CTNNA3: variants seen among roughly 807,000 people sequenced by gnomAD.
CTNNA3 encodes the protein catenin alpha-3.
CTNNA3 carries 76 observed loss-of-function variants against 95.7 expected under a neutral mutation model. The observed-to-expected ratio is 0.79, with a 90% confidence interval of 0.66 to 0.96. The LOEUF is 0.96. CTNNA3 is among the 40% of genes least tolerant of loss of function. The probability of loss-of-function intolerance (pLI) is 0.00; values close to 1 mark genes in which losing one functional copy is unlikely to be tolerated. For synonymous variants in CTNNA3, 431 were observed against 374.4 expected, an observed-to-expected ratio of 1.15 and a Z score of -1.74; for missense variants, 1,191 against 1,089.8, an observed-to-expected ratio of 1.09 and a Z score of -1.31.
chr10:66,753,702 C>A (rs1306579277), intron 9 of CTNNA3, among the ~76,000 whole-genome samples: 3 of 150,498 alleles, frequency 2.0e-5, no homozygotes, highest in South Asian at 2.1e-4. Context: ...CACACACACA[C>A]AAATAACAAA....
chr10:66,005,537 G>A (rs2078861533), intron 15 of CTNNA3, among the ~76,000 whole-genome samples: 1 of 152,082 alleles, frequency 6.6e-6, no homozygotes, highest in African/African-American at 2.4e-5. Flanking sequence ...AAGGTGGGTG[G>A]CCTGGAAAAA....
At chr10:67,220,195 T>C (rs1189894265) in intron 5 of CTNNA3, among the ~76,000 whole-genome samples, 1 of 152,220 alleles carries the variant, frequency 6.6e-6, no homozygotes, top group Non-Finnish European at 1.5e-5. Context: ...TTAAGTGCAT[T>C]ACATGGGAGC....
At chr10:66,250,143 AAATAGAAAGAAATGAGTCAGG>A (rs1218007699) in intron 13 of CTNNA3, among the ~76,000 whole-genome samples, 1 of 152,176 alleles carries the variant, frequency 6.6e-6, no homozygotes, top group African/African-American at 2.4e-5. Context: ...AATGAGTCAG[AAATAGAAAGAAATGAGTCAGG>A]AATAGAAAGA....
chr10:66,712,608 TCA>T (rs201322402), intron 9 of CTNNA3, among the ~76,000 whole-genome samples: 1 of 151,506 alleles, frequency 6.6e-6, no homozygotes, highest in East Asian at 2.0e-4. Context: ...TCTCTCTCTC[TCA>T]CACACACAGC....
intron 10 of CTNNA3, among the ~76,000 whole-genome samples, chr10:66,596,360 C>A (rs1443385560): frequency 1.3e-5 from 2 of 152,040 alleles, no homozygotes; most frequent in Non-Finnish European, 2.9e-5. Context: ...ACATATGGTA[C>A]CCTATGCTCA....
At chr10:65,922,660 C>G (rs1352055276) in intron 17 of CTNNA3, among the ~76,000 whole-genome samples, 1 of 151,732 alleles carries the variant, frequency 6.6e-6, no homozygotes, top group African/African-American at 2.4e-5. Context: ...TTTTCTTATT[C>G]TCCAATAAAA....
intron 14 of CTNNA3, among the ~76,000 whole-genome samples, chr10:66,075,113 T>C (rs1015274796): frequency 2.6e-5 from 4 of 151,894 alleles, no homozygotes; most frequent in Non-Finnish European, 5.9e-5. Flanking sequence ...CCTCCAAGAC[T>C]GTATTAATAG....
At chr10:66,136,552 T>G (rs1435661290) in intron 13 of CTNNA3, among the ~76,000 whole-genome samples, 3 of 152,210 alleles carry the variant, frequency 2.0e-5, no homozygotes, top group African/African-American at 4.8e-5. Flanking sequence ...AATATAAGTT[T>G]AGTCTACATT....
chr10:67,208,096 G>A (rs898957158), intron 6 of CTNNA3, among the ~76,000 whole-genome samples: 1 of 152,096 alleles, frequency 6.6e-6, no homozygotes, highest in African/African-American at 2.4e-5. Flanking sequence ...AGCCAGGCCA[G>A]GCGCGGTGGC....
intron 6 of CTNNA3, among the ~76,000 whole-genome samples, chr10:67,206,308 C>A (rs971044690): frequency 6.6e-6 from 1 of 152,110 alleles, no homozygotes; most frequent in African/African-American, 2.4e-5. Flanking sequence ...TATGTCTCTG[C>A]ATTTCTTTAG....
chr10:67,137,425 G>C (rs191246759), intron 7 of CTNNA3, among the ~76,000 whole-genome samples: 2 of 152,032 alleles, frequency 1.3e-5, no homozygotes, highest in Admixed American at 1.3e-4. Context: ...TTTACACTTG[G>C]AAGCATGATT....
intron 1 of CTNNA3, chr10:67,648,779 T>C: frequency 7.8e-7 from 1 of 1,289,678 alleles, no homozygotes; most frequent in Non-Finnish European, 1.0e-6. Context: ...ATTCTCCTTC[T>C]AAAAGTAGAA....
chr10:66,413,988 C>A (rs1384609330), intron 11 of CTNNA3, among the ~76,000 whole-genome samples: 1 of 152,186 alleles, frequency 6.6e-6, no homozygotes, highest in Non-Finnish European at 1.5e-5. Flanking sequence ...AATTCTACTA[C>A]TTGATATAAT....
intron 11 of CTNNA3, among the ~76,000 whole-genome samples, chr10:66,440,793 G>A (rs1178785981): frequency 6.6e-6 from 1 of 152,036 alleles, no homozygotes; most frequent in Admixed American, 6.6e-5. Flanking sequence ...TTGTTTATCA[G>A]TTGAGTAAAT....
chr10:67,098,345 T>G (rs1017382193), intron 7 of CTNNA3: 5 of 152,642 alleles, frequency 3.3e-5, no homozygotes, highest in African/African-American at 1.2e-4. Flanking sequence ...ATTTTTATTA[T>G]GCTTACTGCG....
intron 5 of CTNNA3, among the ~76,000 whole-genome samples, chr10:67,285,786 C>G (rs1839575062): frequency 6.6e-6 from 1 of 152,062 alleles, no homozygotes; most frequent in Admixed American, 6.6e-5. Flanking sequence ...TTCCTACAGG[C>G]AGGAAATGTG....
rs2076957668 is a variant in CTNNA3, at chr10:65,912,657, A to G, written c.*7673T>C. 1 of 152,120 alleles carries G rather than the reference A, an allele frequency of 6.6e-6. No homozygotes were observed. The highest frequency in any genetic ancestry group is 2.4e-5 in the African/African-American group (1 of 41,434). The allele number at this position is 152,120 out of a possible 1,614,324, so 9.4% of individuals were successfully genotyped here. A position where few individuals can be genotyped will look rare whatever the true frequency, so the allele number is the denominator to read the frequency against. Reference sequence around the variant, plus strand: ...AAATAATACTATATAACCAAAACAAACCCAGTGTTACATATGTGAAATAAT... The same window carrying G: ...AAATAATACTATATAACCAAAACAAGCCCAGTGTTACATATGTGAAATAAT... On this transcript the variant is annotated 3_prime_UTR_variant, in exon 18 of 18. Transcript: ENST00000433211.
intron 9 of CTNNA3, among the ~76,000 whole-genome samples, chr10:66,700,623 A>T (rs1177768825): frequency 6.6e-6 from 1 of 152,160 alleles, no homozygotes; most frequent in Non-Finnish European, 1.5e-5. Context: ...TGGTCTTTGT[A>T]ATTCCACATT....
intron 7 of CTNNA3, among the ~76,000 whole-genome samples, chr10:66,883,167 T>A (rs973199954): frequency 1.3e-5 from 2 of 152,130 alleles, no homozygotes; most frequent in African/African-American, 4.8e-5. Context: ...TAAATATATG[T>A]ATGAGAAAAG....
Sources: gnomAD v4.1 joint callset for allele counts (sites outside exome capture counted in the v4.1 genomes callset) on GRCh38, gnomAD v4.1.1 for gene constraint, MANE v1.5 for transcripts, NCBI Gene and HGNC (gene_info 2026-07-23, HGNC 2026-07-21) for gene names.